SNTG1: variants seen among roughly 807,000 people sequenced by gnomAD.
The protein encoded by SNTG1 is gamma-1-syntrophin.
A neutral mutation model predicts 74.7 loss-of-function variants in SNTG1; 39 were observed. The observed-to-expected ratio is 0.52, with a 90% CI of 0.40 to 0.68. SNTG1 has a LOEUF of 0.68. SNTG1 is among the 30% of genes least tolerant of loss of function. SNTG1 has a pLI of 0.00. For synonymous variants in SNTG1, 254 were observed against 217.1 expected (o/e 1.17, Z -1.49); for missense variants, 685 against 609.5 (o/e 1.12, Z -1.30).
At chr8:50,021,951 A>T (rs865966638) in intron 1 of SNTG1, among the ~76,000 whole-genome samples, 1,699 of 146,016 alleles carry the variant, frequency 0.012, 43 homozygotes, top group African/African-American at 0.04. Flanking sequence ...AAAAAAAATA[A>T]AAATAAAAAT....
intron 2 of SNTG1, among the ~76,000 whole-genome samples, chr8:50,276,395 ATATATATATATAT>A (rs2088110261): frequency 1.2e-5 from 1 of 81,834 alleles, no homozygotes; most frequent in African/African-American, 3.1e-5. Flanking sequence ...ATATATATAT[ATATATATATATAT>A]AAATCATATA....
intron 2 of SNTG1, among the ~76,000 whole-genome samples, chr8:50,277,942 G>A (rs758547778): frequency 1.3e-3 from 195 of 152,282 alleles, no homozygotes; most frequent in Admixed American, 2.5e-3. Context: ...GGGAAGCCTA[G>A]GCAAGTGGAT....
chr8:50,665,413 T>G, intron 15 of SNTG1, among the ~76,000 whole-genome samples: 1 of 152,134 alleles, frequency 6.6e-6, no homozygotes, highest in South Asian at 2.1e-4. Context: ...TGTGTTTGTG[T>G]GTGTGTGTGT....
chr8:50,411,454 A>AT lies in SNTG1; in HGVS notation c.162+9110_162+9111insT, dbSNP rs554171004. On this transcript the variant is annotated intron_variant, in intron 4 of 18. Coordinates refer to ENST00000642720, the MANE Select transcript of SNTG1 (RefSeq NM_018967.5). Reference sequence around the variant, plus strand: ...CAGAGCAAGACTCCATCTCAAAAAAAAAAAATAAAAAGACTCCATCTCAAA... The same window carrying AT: ...CAGAGCAAGACTCCATCTCAAAAAAATAAAAATAAAAAGACTCCATCTCAAA... Among the ~76,000 whole-genome samples, 53 of 151,500 alleles carry AT rather than the reference A, an allele frequency of 3.5e-4. No homozygotes were observed. In the South Asian group the frequency reaches 7.1e-3, roughly 20 times the overall value.
chr8:49,909,960 A>G (rs566283703), upstream of SNTG1: 3 of 152,376 alleles, frequency 2.0e-5, no homozygotes, highest in South Asian at 6.2e-4. Context: ...CCGGCTCAGT[A>G]ACGTTTCTCC....
At chr8:49,928,145 T>TAATAAATAAATAAATAAATA (rs372341073) in intron 1 of SNTG1, among the ~76,000 whole-genome samples, 3 of 138,084 alleles carry the variant, frequency 2.2e-5, no homozygotes, top group African/African-American at 5.4e-5. Flanking sequence ...TCTCAAAAAA[T>TAATAAATAAATAAATAAATA]AATAAATAAA....
In SNTG1 at chr8:50,738,830, T is replaced by C. The variant is rs188996799; in HGVS notation, c.1285-13171T>C. Among the ~76,000 whole-genome samples the C allele has an allele frequency of 2.0e-3, 301 of 150,900 alleles. 3 individuals carry two copies. The highest frequency in any genetic ancestry group is 7.1e-3 in the African/African-American group (294 of 41,136). The stretch of plus-strand genomic sequence containing the variant: ...AATGGGGAAAGGATTCCCTATTTAA[T>C]AAATGGTGCTAGGAAAACTGGCTAG... On this transcript the variant is annotated intron_variant, in intron 17 of 18. Coordinates refer to ENST00000642720, the MANE Select transcript of SNTG1 (RefSeq NM_018967.5).
intron 13 of SNTG1, among the ~76,000 whole-genome samples, chr8:50,620,158 T>A (rs928870804): frequency 2.6e-5 from 4 of 152,138 alleles, no homozygotes; most frequent in Admixed American, 2.6e-4. Flanking sequence ...GTTGACGATC[T>A]GAGGTCCCGA....
chr8:50,019,697 A>AC (rs1229334257), intron 1 of SNTG1, among the ~76,000 whole-genome samples: 5 of 151,900 alleles, frequency 3.3e-5, no homozygotes, highest in African/African-American at 1.2e-4. Context: ...AAATCAAATA[A>AC]CCCCCCAAAG....
chr8:50,184,218 T>A (rs1216467088), intron 2 of SNTG1, among the ~76,000 whole-genome samples: 2 of 152,182 alleles, frequency 1.3e-5, no homozygotes, highest in Non-Finnish European at 2.9e-5. Context: ...CAGGCTGGAC[T>A]TCAGTGGTGT....
At chr8:50,408,587 C>T (rs181707895) in intron 4 of SNTG1, among the ~76,000 whole-genome samples, 24 of 152,214 alleles carry the variant, frequency 1.6e-4, no homozygotes, top group African/African-American at 5.1e-4. Context: ...AACCCACTGA[C>T]CATGAAGGAT....
intron 1 of SNTG1, among the ~76,000 whole-genome samples, chr8:50,144,418 G>C (rs2081782405): frequency 6.6e-6 from 1 of 152,210 alleles, no homozygotes. Context: ...AGGTCATCAA[G>C]GATGGGCTCC....
At chr8:50,572,767 G>A (rs1018058585) in intron 12 of SNTG1, among the ~76,000 whole-genome samples, 5 of 152,024 alleles carry the variant, frequency 3.3e-5, no homozygotes, top group Admixed American at 6.6e-5. Flanking sequence ...CACTAATGTC[G>A]TTATTTGTCA....
At chr8:50,292,814 G>C (rs2089181235) in intron 2 of SNTG1, among the ~76,000 whole-genome samples, 1 of 152,126 alleles carries the variant, frequency 6.6e-6, no homozygotes. Context: ...TAACCTACAG[G>C]TGGCATTTAA....
At chr8:50,273,263 G>T (rs186492917) in intron 2 of SNTG1, among the ~76,000 whole-genome samples, 4 of 152,190 alleles carry the variant, frequency 2.6e-5, no homozygotes, top group African/African-American at 9.6e-5. Flanking sequence ...TTCATACTAA[G>T]AGCCTCATAC....
chr8:50,464,853 G>T (rs1587713837), intron 8 of SNTG1, among the ~76,000 whole-genome samples: 1 of 150,848 alleles, frequency 6.6e-6, no homozygotes, highest in East Asian at 2.0e-4. Context: ...TCTGAAAAAA[G>T]TATCCATTTT....
chr8:50,183,360 C>T (rs1435968909), intron 2 of SNTG1, among the ~76,000 whole-genome samples: 1 of 152,150 alleles, frequency 6.6e-6, no homozygotes, highest in Non-Finnish European at 1.5e-5. Flanking sequence ...TCTGCAGGTG[C>T]CCATTCCCTA....
chr8:50,322,890 C>A (rs569366411), intron 2 of SNTG1, among the ~76,000 whole-genome samples: 72 of 151,954 alleles, frequency 4.7e-4, no homozygotes, highest in Middle Eastern at 3.4e-3. Flanking sequence ...GCCAAGGAAG[C>A]AGATTGCCTG....
At chr8:50,183,090 C>T (rs1169734245) in intron 2 of SNTG1, among the ~76,000 whole-genome samples, 1 of 152,094 alleles carries the variant, frequency 6.6e-6, no homozygotes, top group African/African-American at 2.4e-5. Context: ...CCTTGCTCCT[C>T]CTTGCTTTTC....
Sources: gnomAD v4.1 joint callset for allele counts (sites outside exome capture counted in the v4.1 genomes callset) on GRCh38, gnomAD v4.1.1 for gene constraint, MANE v1.5 for transcripts, NCBI Gene and HGNC (gene_info 2026-07-23, HGNC 2026-07-21) for gene names.